The following GRID2 variants were observed in gnomAD, a reference collection of about 807,000 sequenced individuals.
GRID2 encodes glutamate receptor ionotropic, delta-2.
Under a neutral mutation model 114.8 loss-of-function variants are expected in GRID2, and 33 were observed. The observed-to-expected ratio is 0.29, with a 90% CI of 0.22 to 0.38. GRID2 has a LOEUF of 0.38. GRID2 is among the 10% of genes least tolerant of loss of function. The probability of loss-of-function intolerance (pLI) is 1.00; values close to 1 mark genes in which losing one functional copy is unlikely to be tolerated. For missense variants in GRID2, 1,184 were observed against 1,257.7 expected, an observed-to-expected ratio of 0.94 and a Z score of 0.89; for synonymous variants, 505 against 449.9, an observed-to-expected ratio of 1.12 and a Z score of -1.55.
At chr4:93,437,091 C>G (rs945442168) in intron 10 of GRID2, among the ~76,000 whole-genome samples, 5 of 152,210 alleles carry the variant, frequency 3.3e-5, no homozygotes, top group South Asian at 2.1e-4. Context: ...GCAATTAACA[C>G]AAAACCCACA....
At chr4:92,524,833 C>A (rs1373529448) in intron 1 of GRID2, among the ~76,000 whole-genome samples, 1 of 151,714 alleles carries the variant, frequency 6.6e-6, no homozygotes, top group Non-Finnish European at 1.5e-5. Flanking sequence ...CAATGTCTTG[C>A]CTATGACAAT....
At chr4:93,175,426 C>T (rs894377299) in intron 4 of GRID2, among the ~76,000 whole-genome samples, 2 of 152,166 alleles carry the variant, frequency 1.3e-5, no homozygotes, top group Admixed American at 1.3e-4. Flanking sequence ...CTGCCTCAGC[C>T]TTCCAAAGTG....
In GRID2 at chr4:93,725,699, A is replaced by C. The variant is rs901241261; in HGVS notation, c.2361-43511A>C. 3.3e-5 allele frequency among the ~76,000 whole-genome samples: 5 copies of C among 151,214 alleles called. No individual in the cohort carries two copies. In the East Asian group the frequency reaches 5.8e-4, roughly 18 times the overall value. On this transcript the variant is annotated intron_variant, in intron 14 of 15. Coordinates refer to ENST00000282020, the MANE Select transcript of GRID2 (RefSeq NM_001510.4). ...TCTAACTGGTGTGAGATGGTATCTC[A>C]TTGTGGTTTTGATTTGCATTTCTCT...
Position 93,255,158 on chromosome 4 carries a change from C to T in GRID2, c.1245+16668C>T, listed in dbSNP as rs575265491. Among the ~76,000 whole-genome samples, 22 of 152,034 alleles carry T rather than the reference C, an allele frequency of 1.4e-4. No individual in the cohort carries two copies. In the South Asian group the frequency reaches 3.7e-3, roughly 26 times the overall value. On this transcript the variant is annotated intron_variant, in intron 8 of 15. Transcript: ENST00000282020. ...AACATTTTATTCATTCATATACATA[C>T]TAATGTTTTTCCAAGTAGGCATTAT...
In GRID2 at chr4:93,497,404, T is replaced by C. The variant is rs546794372; in HGVS notation, c.1997+6627T>C. On this transcript the variant is annotated intron_variant, in intron 12 of 15. Transcript: ENST00000282020. Reference sequence around the variant, plus strand: ...GTATCAATTTTTTCATTTTATGGATTGTGCTTTTGGTTTCATGTCTAGCAC... The same window carrying C: ...GTATCAATTTTTTCATTTTATGGATCGTGCTTTTGGTTTCATGTCTAGCAC... 5.9e-5 allele frequency among the ~76,000 whole-genome samples: 9 copies of C among 151,976 alleles called. No homozygotes were observed. The South Asian group carries it at 1.9e-3, about 31-fold the overall frequency.
chr4:93,212,757 T>C (rs1273566932), intron 5 of GRID2, among the ~76,000 whole-genome samples: 2 of 135,842 alleles, frequency 1.5e-5, no homozygotes, highest in Admixed American at 8.1e-5. Flanking sequence ...AGAAAGTTGT[T>C]GGTTTGGTTT....
At chr4:93,764,485 G>A (rs10012425) in intron 14 of GRID2, among the ~76,000 whole-genome samples, 51,580 of 151,976 alleles carry the variant, frequency 0.34, 9,887 homozygotes, top group East Asian at 0.72. Context: ...ACAATAATAA[G>A]TCTAGCTTTA....
At chr4:93,021,554 A>G (rs1277682534) in intron 2 of GRID2, among the ~76,000 whole-genome samples, 1 of 146,450 alleles carries the variant, frequency 6.8e-6, no homozygotes, top group East Asian at 2.0e-4. Context: ...ATGAAAACAA[A>G]TTTTAAATAA....
intron 13 of GRID2, among the ~76,000 whole-genome samples, chr4:93,591,869 G>C (rs1391266756): frequency 2.0e-5 from 3 of 152,044 alleles, no homozygotes; most frequent in Non-Finnish European, 2.9e-5. Context: ...ATTCTCTGAT[G>C]GTAGTTTGTA....
At chr4:92,778,471 G>T (rs1175566614) in intron 2 of GRID2, among the ~76,000 whole-genome samples, 1 of 152,086 alleles carries the variant, frequency 6.6e-6, no homozygotes, top group African/African-American at 2.4e-5. Context: ...ACCCTCTCGT[G>T]TACATTCTGA....
chr4:92,468,384 T>A (rs1473076291), intron 1 of GRID2, among the ~76,000 whole-genome samples: 1 of 151,956 alleles, frequency 6.6e-6, no homozygotes, highest in Non-Finnish European at 1.5e-5. Flanking sequence ...TCTTAGAAAA[T>A]CACCAATCTT....
chr4:93,279,551 GAAGAAC>G (rs1408450345), intron 8 of GRID2, among the ~76,000 whole-genome samples: 2 of 151,790 alleles, frequency 1.3e-5, no homozygotes, highest in East Asian at 3.9e-4. Context: ...CTATAAATTG[GAAGAAC>G]TCAGGTAATA....
intron 8 of GRID2, among the ~76,000 whole-genome samples, chr4:93,293,011 T>G (rs914963804): frequency 2.6e-5 from 4 of 152,202 alleles, no homozygotes; most frequent in Non-Finnish European, 5.9e-5. Flanking sequence ...ACATAAGCAA[T>G]TTTTAAGCAA....
At chr4:93,028,094 C>A (rs1724048150) in intron 2 of GRID2, among the ~76,000 whole-genome samples, 1 of 152,072 alleles carries the variant, frequency 6.6e-6, no homozygotes, top group South Asian at 2.1e-4. Context: ...AACAAATACT[C>A]ATTTTGTGCC....
intron 8 of GRID2, among the ~76,000 whole-genome samples, chr4:93,273,027 A>G (rs75076707): frequency 0.11 from 16,532 of 152,190 alleles, 1,901 homozygotes; most frequent in East Asian, 0.28. Context: ...CCTTTGCACC[A>G]TCATCCTGTC....
At chr4:93,437,830 C>T (rs1475951326) in intron 10 of GRID2, among the ~76,000 whole-genome samples, 1 of 152,144 alleles carries the variant, frequency 6.6e-6, no homozygotes, top group East Asian at 1.9e-4. Flanking sequence ...TTTCAAACTA[C>T]TCCCATCTCT....
chr4:93,653,424 C>A (rs72873047), intron 14 of GRID2, among the ~76,000 whole-genome samples: 18,071 of 152,118 alleles, frequency 0.12, 1,121 homozygotes, highest in Middle Eastern at 0.14. Context: ...CCCGAGAATG[C>A]TAAATTAATT....
intron 1 of GRID2, among the ~76,000 whole-genome samples, chr4:93,802,054 T>C (rs1195670047): frequency 6.6e-6 from 1 of 152,230 alleles, no homozygotes; most frequent in African/African-American, 2.4e-5. Flanking sequence ...GAGCTTTCTG[T>C]CTATTGTACA....
At chr4:93,104,549 C>T (rs918854279) in intron 3 of GRID2, among the ~76,000 whole-genome samples, 1 of 151,512 alleles carries the variant, frequency 6.6e-6, no homozygotes, top group South Asian at 2.1e-4. Flanking sequence ...TGAGTGAGAA[C>T]ATGCGGTGTT....
Sources: gnomAD v4.1 joint callset for allele counts (sites outside exome capture counted in the v4.1 genomes callset) on GRCh38, gnomAD v4.1.1 for gene constraint, MANE v1.5 for transcripts, NCBI Gene and HGNC (gene_info 2026-07-23, HGNC 2026-07-21) for gene names.